Variants in ANKH observed in about 807,000 individuals in gnomAD.
The protein encoded by ANKH is ANKH inorganic pyrophosphate transport regulator.
In ANKH, 15 loss-of-function variants were observed where a neutral mutation model predicts 49.0. The observed-to-expected ratio is 0.31, with a 90% CI of 0.20 to 0.47. The LOEUF (loss-of-function observed/expected upper bound fraction) is 0.47, where lower values mean the gene tolerates loss of function less well. Ranked by LOEUF, ANKH falls within the 20% of genes least tolerant of loss-of-function variation. The probability of loss-of-function intolerance (pLI) is 1.00; values close to 1 mark genes in which losing one functional copy is unlikely to be tolerated. For synonymous variants in ANKH, 273 were observed against 260.0 expected (o/e 1.05, Z -0.48); for missense variants, 429 against 652.0 (o/e 0.66, Z 3.72).
Position 14,741,828 on chromosome 5 carries a change from G to A in ANKH, c.1010C>T (p.Thr337Met), listed in dbSNP as rs776803043. 3.1e-6 allele frequency: 5 copies of A among 1,613,044 alleles called. No individual in the cohort carries two copies. The highest frequency in any genetic ancestry group is 1.3e-5 in the African/African-American group (1 of 74,848). Residue 337 changes from threonine to methionine, a missense_variant and splice_region_variant, in exon 8 of 12, where the codon ACG becomes ATG. Physicochemically the swap from Thr to Met is moderately conservative, Grantham distance 81 (BLOSUM62 -1). This residue lies in a region of ANKH where 378 missense variants were observed against 615.3 expected (regional missense o/e 0.61). Coordinates refer to ENST00000284268, the MANE Select transcript of ANKH (RefSeq NM_054027.6). ...FTFVCMALSL[T>M]LCFVMFWTPN... ...GGCAGAGAGAGCCTCTGTCCTTACC[G>A]TGAGTGACAGAGCCATGCAGACGAA...
At chr5:14,730,815 G>T (rs976653497) in intron 8 of ANKH, among the ~76,000 whole-genome samples, 2 of 152,180 alleles carry the variant, frequency 1.3e-5, no homozygotes, top group African/African-American at 4.8e-5. Context: ...TGCCAGCTGC[G>T]CCTTCCAAGA....
chr5:14,791,019 G>C (rs777242152), intron 1 of ANKH, among the ~76,000 whole-genome samples: 11 of 152,182 alleles, frequency 7.2e-5, no homozygotes, highest in Non-Finnish European at 1.3e-4. Flanking sequence ...TAGCAAGGTA[G>C]AGAGTCTCAG....
chr5:14,767,798 A>G (rs1279665335), intron 2 of ANKH, among the ~76,000 whole-genome samples: 1 of 152,056 alleles, frequency 6.6e-6, no homozygotes, highest in African/African-American at 2.4e-5. Context: ...TTTCCCAAAT[A>G]CTGTACATGT....
intron 1 of ANKH, among the ~76,000 whole-genome samples, chr5:14,821,013 G>C (rs1171080230): frequency 1.3e-5 from 2 of 151,652 alleles, no homozygotes; most frequent in African/African-American, 4.8e-5. Context: ...TGGGAGGATT[G>C]CTTGAGCTTG....
At chr5:14,730,627 G>A (rs1210669496) in intron 8 of ANKH, among the ~76,000 whole-genome samples, 1 of 152,182 alleles carries the variant, frequency 6.6e-6, no homozygotes, top group East Asian at 1.9e-4. Flanking sequence ...CAGGTCCTGG[G>A]ACGCCCCACG....
At position 14,797,325 on chromosome 5, in the gene ANKH, G is replaced by A. The variant is rs994371130; in HGVS notation, c.97-28134C>T. 90 of 1,594,596 alleles carry A rather than the reference G, an allele frequency of 5.6e-5. No homozygotes were observed. The African/African-American group carries it at 1.1e-3, about 19-fold the overall frequency. On this transcript the variant is annotated intron_variant, in intron 1 of 11. Transcript: ENST00000284268. ...CAACAACTCTGGTGGCCTGTCTTCTGCATCTTCTGGGGATTGTTCCTCTCC... is the reference window on the plus strand; with the variant it reads ...CAACAACTCTGGTGGCCTGTCTTCTACATCTTCTGGGGATTGTTCCTCTCC...
chr5:14,718,579 G>A (rs1737560229), intron 8 of ANKH, among the ~76,000 whole-genome samples: 1 of 152,218 alleles, frequency 6.6e-6, no homozygotes, highest in African/African-American at 2.4e-5. Context: ...GGGAGGCTGA[G>A]GCGGGCGGAT....
At chr5:14,829,957 ATTCTAT>A (rs1337999076) in intron 1 of ANKH, among the ~76,000 whole-genome samples, 1 of 152,188 alleles carries the variant, frequency 6.6e-6, no homozygotes. Context: ...AATTATCAAT[ATTCTAT>A]TTCTGATTCT....
At chr5:14,748,805 A>G (rs1039920199) in intron 6 of ANKH, among the ~76,000 whole-genome samples, 14 of 152,246 alleles carry the variant, frequency 9.2e-5, no homozygotes, top group African/African-American at 3.4e-4. Context: ...ACCACGGTGA[A>G]GAGGCCAGTG....
rs550883781 is a variant in ANKH at position 14,863,624 on chromosome 5, C to A, written c.96+7728G>T. 1.3e-3 allele frequency among the ~76,000 whole-genome samples: 198 copies of A among 152,230 alleles called. 2 individuals are homozygous for A. Among genetic ancestry groups the A allele is most frequent in the African/African-American group, 4.6e-3 (190 of 41,546 alleles). On this transcript the variant is annotated intron_variant, in intron 1 of 11. Transcript: ENST00000284268. Reference sequence around the variant, plus strand: ...TAGATTTTTCTCTATTGCATCTCTGCAGAAACTAATAGAGTCACAGGTGTT... The same window carrying A: ...TAGATTTTTCTCTATTGCATCTCTGAAGAAACTAATAGAGTCACAGGTGTT...
intron 1 of ANKH, chr5:14,798,530 C>G: frequency 1.4e-6 from 1 of 704,352 alleles, no homozygotes. Flanking sequence ...TTTGTGGCAA[C>G]CCTGTGTCAA....
At chr5:14,794,951 T>G (rs1342717974) in intron 1 of ANKH, among the ~76,000 whole-genome samples, 1 of 152,256 alleles carries the variant, frequency 6.6e-6, no homozygotes, top group Non-Finnish European at 1.5e-5. Context: ...GTACTGTGTA[T>G]GTTCTGAGAT....
At chr5:14,776,120 C>CTG (rs1739613439) in intron 1 of ANKH, among the ~76,000 whole-genome samples, 1 of 152,176 alleles carries the variant, frequency 6.6e-6, no homozygotes, top group South Asian at 2.1e-4. Context: ...GGGCCGCCCC[C>CTG]CGCATCCTCC....
chr5:14,759,180 A>AG (rs1444233313), intron 2 of ANKH, among the ~76,000 whole-genome samples: 4 of 152,208 alleles, frequency 2.6e-5, no homozygotes, highest in South Asian at 2.1e-4. Context: ...TTTTGGGAAG[A>AG]GGGTGGCAAC....
chr5:14,712,222 C>T (rs577858994), intron 11 of ANKH, among the ~76,000 whole-genome samples: 2 of 152,248 alleles, frequency 1.3e-5, no homozygotes, highest in South Asian at 2.1e-4. Flanking sequence ...CGTCACGCAC[C>T]GTGAGCAGGC....
rs116403135 is a variant in ANKH at position 14,842,505 on chromosome 5, G to A, written c.96+28847C>T. Among the ~76,000 whole-genome samples, 607 of 152,274 alleles carry A rather than the reference G, an allele frequency of 4.0e-3. 3 individuals are homozygous for A. The highest frequency in any genetic ancestry group is 0.014 in the African/African-American group (592 of 41,550). Reference sequence around the variant, plus strand: ...CATGGTTTGGCCTATGGGACACACCGATCTGGGTTTGGCCTATAGGACACA... The same window carrying A: ...CATGGTTTGGCCTATGGGACACACCAATCTGGGTTTGGCCTATAGGACACA... On this transcript the variant is annotated intron_variant, in intron 1 of 11. Coordinates refer to ENST00000284268, the MANE Select transcript of ANKH (RefSeq NM_054027.6).
Position 14,711,055 on chromosome 5 carries a change from C to A in ANKH, c.*142G>T. 1 of 773,578 alleles carries A rather than the reference C, an allele frequency of 1.3e-6. No individual in the cohort carries two copies. Among genetic ancestry groups the A allele is most frequent in the Non-Finnish European group, 2.3e-6 (1 of 434,890 alleles). 47.9% of individuals were successfully genotyped at this position (773,578 alleles called of 1,614,324 possible). On this transcript the variant is annotated 3_prime_UTR_variant, in exon 12 of 12. Coordinates refer to ENST00000284268, the MANE Select transcript of ANKH (RefSeq NM_054027.6). ...CATACCCAGTATGCTAGAGAATTGA[C>A]ACGAAACCTTTAAATCAAGGCCTCT...
rs901092803 is a variant in ANKH, at chr5:14,706,215, A to G, written c.*4982T>C. 3.9e-5 allele frequency: 6 copies of G among 152,238 alleles called. No homozygotes were observed. Among genetic ancestry groups the G allele is most frequent in the Non-Finnish European group, 7.3e-5 (5 of 68,046 alleles). 9.4% of individuals were successfully genotyped at this position (152,238 alleles called of 1,614,324 possible). On this transcript the variant is annotated 3_prime_UTR_variant, in exon 12 of 12. Transcript: ENST00000284268. ...GTAGCCTAACTTAAAAACAGGTACT[A>G]TATAAAAAAAATTTGCTGAATCTAT...
chr5:14,771,931 A>AC (rs200064692), intron 1 of ANKH, among the ~76,000 whole-genome samples: 15,313 of 143,484 alleles, frequency 0.11, 1,408 homozygotes, highest in East Asian at 0.42. Context: ...GAAAAAAAAA[A>AC]AAAAAAAAAA....
Sources: allele counts gnomAD v4.1 joint callset (sites outside exome capture counted in the v4.1 genomes callset), GRCh38; gene constraint gnomAD v4.1.1; regional missense constraint gnomAD v4.1.1; transcripts MANE v1.5; gene names NCBI Gene and HGNC (gene_info 2026-07-23, HGNC 2026-07-21).